The following CEP43 variants were observed in gnomAD, a reference collection of about 807,000 sequenced individuals.
CEP43 encodes the protein FGFR1 oncogene partner.
CEP43 carries 36 observed loss-of-function variants against 52.6 expected under a neutral mutation model. The ratio of observed to expected loss-of-function variants is 0.68; its 90% CI spans 0.52 to 0.90. The LOEUF (loss-of-function observed/expected upper bound fraction) is 0.90, where lower values mean the gene tolerates loss of function less well. Ranked by LOEUF, CEP43 falls within the 40% of genes least tolerant of loss-of-function variation. CEP43 has a pLI of 0.00. For missense variants in CEP43, 506 were observed against 472.8 expected, an observed-to-expected ratio of 1.07 and a Z score of -0.65; for synonymous variants, 192 against 172.4, an observed-to-expected ratio of 1.11 and a Z score of -0.89.
chr6:167,001,332 C>G (rs543788377), intron 2 of CEP43, among the ~76,000 whole-genome samples: 20 of 152,244 alleles, frequency 1.3e-4, no homozygotes, highest in Admixed American at 1.2e-3. Context: ...GATGGCTTTT[C>G]TTTTGAGCTT....
intron 6 of CEP43, among the ~76,000 whole-genome samples, 157 bp downstream of exon 6, chr6:167,011,050 A>AT (rs1461762594): frequency 6.6e-6 from 1 of 152,154 alleles, no homozygotes; most frequent in Non-Finnish European, 1.5e-5. Flanking sequence ...TTAAGTATAC[A>AT]TTAAAAAAAA....
chr6:167,037,263 C>T (rs1780602674), intron 12 of CEP43, among the ~76,000 whole-genome samples: 1 of 152,190 alleles, frequency 6.6e-6, no homozygotes, highest in African/African-American at 2.4e-5. Flanking sequence ...TTAATGATCT[C>T]CAATAACTGA....
At chr6:167,039,635 G>T (rs557642627) in intron 12 of CEP43, among the ~76,000 whole-genome samples, 73 of 152,294 alleles carry the variant, frequency 4.8e-4, no homozygotes, top group African/African-American at 1.7e-3. Flanking sequence ...GGGATTGGTG[G>T]ATCAAACAGT....
chr6:167,035,385 G>T (rs1780561955), intron 12 of CEP43, among the ~76,000 whole-genome samples: 3 of 151,994 alleles, frequency 2.0e-5, no homozygotes, highest in African/African-American at 2.4e-5. Context: ...TTCAGCCAAG[G>T]TGACCAAAAC....
chr6:167,011,309 A>G (rs1311080390), intron 6 of CEP43, among the ~76,000 whole-genome samples: 1 of 152,222 alleles, frequency 6.6e-6, no homozygotes, highest in Non-Finnish European at 1.5e-5. Context: ...TCAGAATTGT[A>G]AATCATGATG....
chr6:167,043,368 CTGTCCTCTTTT>C lies in CEP43; in HGVS notation c.*3392_*3402del, dbSNP rs1474398486. On this transcript the variant is annotated 3_prime_UTR_variant, in exon 13 of 13. Coordinates refer to ENST00000366847, the MANE Select transcript of CEP43 (RefSeq NM_007045.4). Reference sequence around the variant, plus strand: ...CGAGCAGTCCGTGCTCCCAGTGTCCCTGTCCTCTTTTTTTTTTTTTTTTTTTTTTGAGGTGG... The same window carrying C: ...CGAGCAGTCCGTGCTCCCAGTGTCCCTTTTTTTTTTTTTTTTTTGAGGTGG... 2.2e-5 allele frequency: 3 copies of C among 139,100 alleles called. No homozygotes were observed. The East Asian group carries it at 6.4e-4, about 30-fold the overall frequency. The allele number at this position is 139,100 out of a possible 1,614,324, so 8.6% of individuals were successfully genotyped here. A position where few individuals can be genotyped will look rare whatever the true frequency, so the allele number is the denominator to read the frequency against.
At chr6:167,004,495 T>C in intron 5 of CEP43, 94 bp downstream of exon 5, 2 of 1,053,554 alleles carry the variant, frequency 1.9e-6, no homozygotes, top group Non-Finnish European at 2.6e-6. Flanking sequence ...ATTAAGGTTT[T>C]CATACTAGAA....
In CEP43 at chr6:167,022,602, A is replaced by G. The variant is rs1780262302; in HGVS notation, c.773A>G (p.Asp258Gly). ...ATGGAAGGAGATTCTTTCTTTGATGATCCCATTCCTAAGCCAGAGAAAACT... is the reference window on the plus strand; with the variant it reads ...ATGGAAGGAGATTCTTTCTTTGATGGTCCCATTCCTAAGCCAGAGAAAACT... ...DDMEGDSFFD[D>G]PIPKPEKTYG... Residue 258 changes from aspartate to glycine, a missense_variant, in exon 8 of 13, where the codon GAT becomes GGT. Transcript: ENST00000366847. 1.2e-6 allele frequency: 2 copies of G among 1,613,956 alleles called. No individual in the cohort carries two copies. Among genetic ancestry groups the G allele is most frequent in the Non-Finnish European group, 1.7e-6 (2 of 1,179,926 alleles).
At chr6:167,031,263 G>C (rs1288359509) in intron 10 of CEP43, among the ~76,000 whole-genome samples, 4 of 151,858 alleles carry the variant, frequency 2.6e-5, no homozygotes, top group African/African-American at 7.3e-5. Context: ...CCCCACCTCA[G>C]GGCCTTTCAC....
chr6:167,007,134 A>T (rs768673868), intron 5 of CEP43, among the ~76,000 whole-genome samples: 1 of 151,930 alleles, frequency 6.6e-6, no homozygotes, highest in Non-Finnish European at 1.5e-5. Flanking sequence ...TCCACCTTGC[A>T]CCCCGTAGCT....
intron 7 of CEP43, among the ~76,000 whole-genome samples, chr6:167,014,030 T>C (rs1780040751): frequency 6.6e-6 from 1 of 152,220 alleles, no homozygotes; most frequent in East Asian, 1.9e-4. Context: ...TGTCAGTTTT[T>C]ATCCAGGTGA....
At chr6:167,020,132 A>T (rs1331952038) in intron 7 of CEP43, among the ~76,000 whole-genome samples, 1 of 152,278 alleles carries the variant, frequency 6.6e-6, no homozygotes, top group African/African-American at 2.4e-5. Flanking sequence ...TCTATATTTG[A>T]TAATACCAGG....
intron 7 of CEP43, among the ~76,000 whole-genome samples, chr6:167,017,398 G>A (rs1031005285): frequency 6.6e-5 from 10 of 152,172 alleles, no homozygotes; most frequent in Non-Finnish European, 1.3e-4. Context: ...CATATGGGAG[G>A]ATGTGTGTAG....
chr6:167,037,543 C>G (rs918680964), intron 12 of CEP43, among the ~76,000 whole-genome samples: 1 of 152,108 alleles, frequency 6.6e-6, no homozygotes, highest in Non-Finnish European at 1.5e-5. Context: ...ATTAAGATTC[C>G]TAATAATTTT....
At chr6:167,036,494 G>GC (rs2128668199) in intron 12 of CEP43, 1 of 985,402 alleles carries the variant, frequency 1.0e-6, no homozygotes, top group East Asian at 1.1e-4. Context: ...GAGGAAGAGG[G>GC]CCACACGTTC....
At chr6:167,021,978 G>T (rs973732799) in intron 7 of CEP43, among the ~76,000 whole-genome samples, 5 of 152,044 alleles carry the variant, frequency 3.3e-5, no homozygotes, top group African/African-American at 7.2e-5. Flanking sequence ...TAATAATAAT[G>T]ATCTCTCCTG....
chr6:167,052,199 ATAGC>A lies in CEP43; in HGVS notation c.*12223_*12226del, dbSNP rs1780877702. On this transcript the variant is annotated 3_prime_UTR_variant, in exon 13 of 13. Transcript: ENST00000366847. ...TGAGATAGAAACACATTTCTTCTTT[ATAGC>A]TCTAGGTCCTCTTCACTTGTTTTTG... is the stretch of plus-strand genomic sequence containing the variant. The A allele has an allele frequency of 6.6e-6, 1 of 152,182 alleles. No homozygotes were observed. The highest frequency in any genetic ancestry group is 1.5e-5 in the Non-Finnish European group (1 of 68,038). 9.4% of individuals were successfully genotyped at this position (152,182 alleles called of 1,614,324 possible).
At chr6:167,015,174 C>A (rs138472226) in intron 7 of CEP43, among the ~76,000 whole-genome samples, 1 of 152,294 alleles carries the variant, frequency 6.6e-6, no homozygotes, top group East Asian at 1.9e-4. Context: ...GCCCATATCC[C>A]AGGATTTAGT....
intron 7 of CEP43, among the ~76,000 whole-genome samples, chr6:167,019,257 G>A (rs531253691): frequency 3.4e-5 from 5 of 148,120 alleles, no homozygotes; most frequent in African/African-American, 5.0e-5. Flanking sequence ...CTGTGCACAC[G>A]CATACACCTG....
Sources: allele counts gnomAD v4.1 joint callset (sites outside exome capture counted in the v4.1 genomes callset), GRCh38; gene constraint gnomAD v4.1.1; transcripts MANE v1.5; gene names NCBI Gene and HGNC (gene_info 2026-07-23, HGNC 2026-07-21).